The following PATJ variants were observed in gnomAD, a reference collection of about 807,000 sequenced individuals.
PATJ encodes the protein inaD-like protein.
Under a neutral mutation model 224.9 loss-of-function variants are expected in PATJ, and 190 were observed. That is an observed-to-expected ratio of 0.84 (90% CI 0.75 to 0.95). PATJ has a LOEUF of 0.95. Ranked by LOEUF, PATJ falls within the 40% of genes least tolerant of loss-of-function variation. The pLI is 0.00. For synonymous variants in PATJ, 769 were observed against 820.3 expected (o/e 0.94, Z 1.07); for missense variants, 2,121 against 2,270.3 (o/e 0.93, Z 1.34).
At chr1:61,979,546 A>C (rs1399337904) in intron 27 of PATJ, among the ~76,000 whole-genome samples, 2 of 151,726 alleles carry the variant, frequency 1.3e-5, no homozygotes, top group South Asian at 4.2e-4. Context: ...CCAGCTAGTC[A>C]GGAGGCTGAG....
intron 14 of PATJ, among the ~76,000 whole-genome samples, chr1:61,808,827 G>A (rs1296520504): frequency 6.6e-6 from 1 of 152,158 alleles, no homozygotes; most frequent in Non-Finnish European, 1.5e-5. Context: ...GAAAGATGAT[G>A]CCTGGGAAGA....
At chr1:61,841,300 A>G (rs1216697490) in intron 17 of PATJ, among the ~76,000 whole-genome samples, 1 of 152,182 alleles carries the variant, frequency 6.6e-6, no homozygotes. Flanking sequence ...GAATTTGAGT[A>G]AATGCTAATA....
intron 29 of PATJ, among the ~76,000 whole-genome samples, chr1:62,019,808 G>A (rs895336833): frequency 4.6e-5 from 7 of 152,080 alleles, no homozygotes; most frequent in African/African-American, 1.7e-4. Flanking sequence ...GCACTCAAGA[G>A]ATTAAGATGT....
intron 18 of PATJ, among the ~76,000 whole-genome samples, chr1:61,861,284 CTTTT>C: frequency 0.033 from 1,634 of 48,908 alleles, 55 homozygotes; most frequent in African/African-American, 0.085. Context: ...TTCTTTCTTT[CTTTT>C]TTTTTTTTTT....
intron 28 of PATJ, among the ~76,000 whole-genome samples, chr1:62,001,792 G>A (rs1239304906): frequency 2.6e-5 from 4 of 151,902 alleles, no homozygotes; most frequent in Non-Finnish European, 4.4e-5. Context: ...CCATTTTCAC[G>A]ATATTGATTC....
intron 31 of PATJ, among the ~76,000 whole-genome samples, chr1:62,062,389 C>CTTTTTTTTTT (rs1655633684): frequency 7.5e-5 from 1 of 13,354 alleles, no homozygotes; most frequent in African/African-American, 3.1e-4. Context: ...TCTATGTTGT[C>CTTTTTTTTTT]TTCTTTTTTT....
intron 36 of PATJ, 72 bp from the exon 37 acceptor site, chr1:62,117,060 A>G: frequency 8.1e-7 from 1 of 1,234,874 alleles, no homozygotes; most frequent in Non-Finnish European, 1.2e-6. Flanking sequence ...CTGCAGGGAG[A>G]GGCTCTGTTA....
chr1:61,790,525 TTTG>T (rs1435547725), intron 8 of PATJ, among the ~76,000 whole-genome samples: 2 of 147,734 alleles, frequency 1.4e-5, no homozygotes, highest in African/African-American at 2.5e-5. Context: ...GTTTTTTTTT[TTTG>T]TTTGAGACAG....
At chr1:61,904,922 A>G (rs903095301) in intron 24 of PATJ, among the ~76,000 whole-genome samples, 2 of 152,160 alleles carry the variant, frequency 1.3e-5, no homozygotes, top group Non-Finnish European at 2.9e-5. Flanking sequence ...TGTTGTGCAC[A>G]TTAATAGTTC....
At chr1:61,929,065 G>A (rs1214633829) in intron 27 of PATJ, among the ~76,000 whole-genome samples, 4 of 152,214 alleles carry the variant, frequency 2.6e-5, no homozygotes, top group East Asian at 1.9e-4. Flanking sequence ...TGTGATAAGT[G>A]TACTGTGGGC....
intron 26 of PATJ, among the ~76,000 whole-genome samples, chr1:61,916,362 A>T (rs1673456804): frequency 6.6e-6 from 1 of 152,092 alleles, no homozygotes; most frequent in South Asian, 2.1e-4. Context: ...TTCTTATTCT[A>T]TGTAGATTTT....
At chr1:62,116,935 C>A (rs1664502897) in intron 36 of PATJ, among the ~76,000 whole-genome samples, 197 bp from the exon 37 acceptor site, 1 of 152,138 alleles carries the variant, frequency 6.6e-6, no homozygotes, top group Non-Finnish European at 1.5e-5. Flanking sequence ...TTCTAAGTAT[C>A]CATCACTGTT....
At chr1:61,942,151 T>C (rs1388052847) in intron 27 of PATJ, among the ~76,000 whole-genome samples, 1 of 152,166 alleles carries the variant, frequency 6.6e-6, no homozygotes, top group Non-Finnish European at 1.5e-5. Flanking sequence ...TTTTCTTTTA[T>C]TGAAAAAAGT....
chr1:62,152,419 C>T (rs760795745), intron 42 of PATJ, among the ~76,000 whole-genome samples: 1 of 151,680 alleles, frequency 6.6e-6, no homozygotes, highest in African/African-American at 2.4e-5. Context: ...CTTTGGGAGG[C>T]GTCAGGTGGA....
At chr1:62,026,953 G>A (rs11584978) in intron 29 of PATJ, among the ~76,000 whole-genome samples, 17,439 of 152,138 alleles carry the variant, frequency 0.11, 1,279 homozygotes, top group Middle Eastern at 0.23. Flanking sequence ...CAAAAGGTGG[G>A]AGCAACCGAG....
chr1:62,092,051 CAA>C (rs574301543), intron 33 of PATJ, among the ~76,000 whole-genome samples: 87 of 83,530 alleles, frequency 1.0e-3, no homozygotes, highest in Admixed American at 1.5e-3. Context: ...GACCCTGTCT[CAA>C]AAAAAAAAAA....
At chr1:62,093,025 G>T (rs1163355088) in intron 33 of PATJ, among the ~76,000 whole-genome samples, 1 of 152,138 alleles carries the variant, frequency 6.6e-6, no homozygotes, top group East Asian at 1.9e-4. Flanking sequence ...TTACAAGCAT[G>T]AGCCACTGTG....
chr1:61,990,385 A>G (rs754046947), intron 28 of PATJ, 21 bp downstream of exon 28: 16 of 1,581,526 alleles, frequency 1.0e-5, no homozygotes, highest in Non-Finnish European at 1.4e-5. Flanking sequence ...TGTGTTTTTA[A>G]CTTATCTTTT....
intron 10 of PATJ, among the ~76,000 whole-genome samples, chr1:61,797,086 C>G (rs1054747713): frequency 1.3e-5 from 2 of 152,068 alleles, no homozygotes; most frequent in African/African-American, 4.8e-5. Flanking sequence ...AGTCTGGTCT[C>G]GAACTCCTGA....
Sources: gnomAD v4.1 joint callset for allele counts (sites outside exome capture counted in the v4.1 genomes callset) on GRCh38, gnomAD v4.1.1 for gene constraint, MANE v1.5 for transcripts, NCBI Gene and HGNC (gene_info 2026-07-23, HGNC 2026-07-21) for gene names.